Variants in ATP1B3 observed in about 807,000 individuals in gnomAD.
ATP1B3 encodes sodium/potassium-transporting ATPase subunit beta-3.
Under a neutral mutation model 30.2 loss-of-function variants are expected in ATP1B3, and 10 were observed. The ratio of observed to expected loss-of-function variants is 0.33; its 90% CI spans 0.20 to 0.56. ATP1B3 has a LOEUF of 0.56. Among genes scored for constraint, ATP1B3 ranks in the 20% least tolerant of loss-of-function variants. The pLI, the probability that ATP1B3 is intolerant of heterozygous loss-of-function variation, is 0.90. For synonymous variants in ATP1B3, 113 were observed against 117.0 expected, an observed-to-expected ratio of 0.97 and a Z score of 0.22; for missense variants, 238 against 336.7, an observed-to-expected ratio of 0.71 and a Z score of 2.29.
At chr3:141,919,296 T>C (rs1934524357) in intron 5 of ATP1B3, among the ~76,000 whole-genome samples, 1 of 151,524 alleles carries the variant, frequency 6.6e-6, no homozygotes, top group East Asian at 1.9e-4. Flanking sequence ...TCTCTCTCTC[T>C]CCATAGAGAC....
At chr3:141,910,784 T>C (rs35792266) in intron 3 of ATP1B3, among the ~76,000 whole-genome samples, 33,333 of 100,686 alleles carry the variant, frequency 0.33, 3,705 homozygotes, top group African/African-American at 0.4. Flanking sequence ...TGCCCCCCCC[T>C]TTTTTTTAAT....
intron 5 of ATP1B3, chr3:141,921,551 TGTG>T (rs551969471): frequency 1.3e-3 from 197 of 153,886 alleles, no homozygotes; most frequent in Non-Finnish European, 2.3e-3. Flanking sequence ...GTTGGCACCT[TGTG>T]GTGGCTGTTG....
chr3:141,920,422 G>C (rs1380295545), intron 5 of ATP1B3, among the ~76,000 whole-genome samples: 1 of 152,050 alleles, frequency 6.6e-6, no homozygotes, highest in Admixed American at 6.6e-5. Flanking sequence ...AGCTATTCAG[G>C]AGGCTGAGAC....
At chr3:141,882,380 A>G (rs931912439) in intron 1 of ATP1B3, among the ~76,000 whole-genome samples, 2 of 152,226 alleles carry the variant, frequency 1.3e-5, no homozygotes, top group Non-Finnish European at 2.9e-5. Context: ...ACATACCTAA[A>G]TACCTGATCT....
intron 1 of ATP1B3, among the ~76,000 whole-genome samples, chr3:141,887,161 A>G (rs1933849838): frequency 6.6e-6 from 1 of 152,168 alleles, no homozygotes; most frequent in African/African-American, 2.4e-5. Flanking sequence ...TGTTGCAACT[A>G]CCTAACTCCA....
intron 5 of ATP1B3, among the ~76,000 whole-genome samples, chr3:141,917,017 ATTT>A (rs63326663): frequency 7.3e-5 from 9 of 122,936 alleles, no homozygotes; most frequent in Non-Finnish European, 6.7e-5. Flanking sequence ...CTCCCGGCTA[ATTT>A]TTTTTTTTTT....
At chr3:141,904,782 T>C (rs1394980382) in intron 2 of ATP1B3, among the ~76,000 whole-genome samples, 1 of 143,664 alleles carries the variant, frequency 7.0e-6, no homozygotes, top group Non-Finnish European at 1.5e-5. Flanking sequence ...TGATCTCGGC[T>C]CACTGCAACC....
chr3:141,922,840 C>T (rs76808107), intron 6 of ATP1B3, among the ~76,000 whole-genome samples: 13,372 of 151,958 alleles, frequency 0.088, 726 homozygotes, highest in East Asian at 0.16. Context: ...GTGGCAGGCA[C>T]CTGTAGTCCC....
rs748940531 is a variant in ATP1B3 at position 141,925,509 on chromosome 3, T to A, written c.670-22T>A. 1.7e-5 allele frequency: 27 copies of A among 1,579,568 alleles called. No homozygotes were observed. In the Admixed American group the frequency reaches 5.1e-4, roughly 30 times the overall value. ...TAAGTTTCCATAGAGTTTGAATTAA[T>A]ATATTTTCCTTTTATTGCCAGGTTG... On this transcript the variant is annotated intron_variant, in intron 6 of 6. Coordinates refer to ENST00000286371, the MANE Select transcript of ATP1B3 (RefSeq NM_001679.4).
At position 141,913,695 on chromosome 3, in the gene ATP1B3, T is replaced by C. The variant is rs771447349; in HGVS notation, c.390T>C (p.Asp130=). 1.2e-6 allele frequency: 2 copies of C among 1,613,486 alleles called. No individual in the cohort carries two copies. The highest frequency in any genetic ancestry group is 1.3e-5 in the African/African-American group (1 of 74,930). ...AGAAGAACCTCACAGTCTGTCCTGATGGAGCACTTTTTGAACAGAAGGGTC... is the reference window on the plus strand; with the variant it reads ...AGAAGAACCTCACAGTCTGTCCTGACGGAGCACTTTTTGAACAGAAGGGTC... The part of the protein sequence containing the change: ...EEQKNLTVCP[D]GALFEQKGPV... Residue 130 remains aspartate, a synonymous_variant, in exon 4 of 7, where the codon GAT becomes GAC. Coordinates refer to ENST00000286371, the MANE Select transcript of ATP1B3 (RefSeq NM_001679.4).
intron 6 of ATP1B3, chr3:141,922,305 T>C (rs1269121957): frequency 3.1e-6 from 1 of 326,560 alleles, no homozygotes; most frequent in Non-Finnish European, 5.6e-6. Context: ...ATTTTCTTTT[T>C]CATTATAGAG....
Position 141,925,917 on chromosome 3 carries a change from C to T in ATP1B3, c.*216C>T, listed in dbSNP as rs992581061. On this transcript the variant is annotated 3_prime_UTR_variant, in exon 7 of 7. Transcript: ENST00000286371. Reference sequence around the variant, plus strand: ...GCTGCCCTTTGAACCAGTGTACAGTCGCCAGATAGGGACCGGTGAACACCT... The same window carrying T: ...GCTGCCCTTTGAACCAGTGTACAGTTGCCAGATAGGGACCGGTGAACACCT... 2.5e-5 allele frequency: 13 copies of T among 511,018 alleles called. No individual in the cohort carries two copies. Among genetic ancestry groups the T allele is most frequent in the African/African-American group, 5.8e-5 (3 of 51,642 alleles). 31.7% of individuals were successfully genotyped at this position (511,018 alleles called of 1,614,324 possible).
chr3:141,876,975 GT>G, intron 1 of ATP1B3, 65 bp downstream of exon 1: 2 of 1,311,238 alleles, frequency 1.5e-6, no homozygotes, highest in Middle Eastern at 2.7e-4. Context: ...GCGCGGTCTG[GT>G]GGGAACGGAA....
intron 1 of ATP1B3, among the ~76,000 whole-genome samples, chr3:141,890,285 C>CTTTTTTT (rs775182342): frequency 2.8e-4 from 8 of 28,564 alleles, no homozygotes; most frequent in Admixed American, 6.8e-4. Context: ...TTTTGTGGGG[C>CTTTTTTT]TTTTTTTTTT....
intron 3 of ATP1B3, among the ~76,000 whole-genome samples, chr3:141,912,522 A>G (rs1399265912): frequency 6.6e-6 from 1 of 151,934 alleles, no homozygotes; most frequent in Admixed American, 6.6e-5. Context: ...CGGCCTCCCA[A>G]AGTGCTGGGA....
intron 3 of ATP1B3, among the ~76,000 whole-genome samples, chr3:141,912,932 C>T (rs1380656517): frequency 6.6e-6 from 1 of 152,134 alleles, no homozygotes; most frequent in Non-Finnish European, 1.5e-5. Context: ...ACTTGTTTTC[C>T]GGATCCTTTC....
At chr3:141,893,307 C>G (rs1577960642) in intron 1 of ATP1B3, among the ~76,000 whole-genome samples, 1 of 152,212 alleles carries the variant, frequency 6.6e-6, no homozygotes, top group African/African-American at 2.4e-5. Context: ...CCACACCCAG[C>G]TCTCTTTATT....
chr3:141,898,216 C>T (rs1934104132), intron 1 of ATP1B3, among the ~76,000 whole-genome samples: 1 of 152,114 alleles, frequency 6.6e-6, no homozygotes, highest in Admixed American at 6.5e-5. Context: ...TTTAGATATG[C>T]CACCAAAAGC....
chr3:141,917,790 C>T (rs1329316811), intron 5 of ATP1B3, among the ~76,000 whole-genome samples: 13 of 148,808 alleles, frequency 8.7e-5, no homozygotes, highest in South Asian at 2.1e-4. Context: ...TTTTTGGAGA[C>T]GGAGTCTCAC....
Sources: allele counts gnomAD v4.1 joint callset (sites outside exome capture counted in the v4.1 genomes callset), GRCh38; gene constraint gnomAD v4.1.1; transcripts MANE v1.5; gene names NCBI Gene and HGNC (gene_info 2026-07-23, HGNC 2026-07-21).